SLC38A8: variants seen among roughly 807,000 people sequenced by gnomAD.
SLC38A8 encodes the protein solute carrier family 38 member 8, also known as amino acid transporter SLC38A8.
In SLC38A8, 65 loss-of-function variants were observed where a neutral mutation model predicts 46.0. The observed-to-expected ratio is 1.41, with a 90% confidence interval of 1.16 to 1.74. SLC38A8 has a LOEUF of 1.74. Ranked by LOEUF, SLC38A8 falls within the 40% of genes most tolerant of loss-of-function variation. SLC38A8 has a pLI of 0.00. For missense variants in SLC38A8, 998 were observed against 567.9 expected, an observed-to-expected ratio of 1.76 and a Z score of -7.70; for synonymous variants, 447 against 243.7, an observed-to-expected ratio of 1.83 and a Z score of -7.77.
intron 3 of SLC38A8, among the ~76,000 whole-genome samples, chr16:84,034,182 C>A (rs549040983): frequency 1.3e-5 from 2 of 152,234 alleles, no homozygotes; most frequent in Non-Finnish European, 2.9e-5. Context: ...CCAACTTCTT[C>A]CATGGCAGCT....
intron 3 of SLC38A8, among the ~76,000 whole-genome samples, chr16:84,035,302 T>G (rs564413875): frequency 1.3e-5 from 2 of 152,320 alleles, no homozygotes; most frequent in South Asian, 4.1e-4. Context: ...TCTCACTTCT[T>G]CTTGGTATAA....
At chr16:84,041,797 G>T (rs187023241) in intron 2 of SLC38A8, among the ~76,000 whole-genome samples, 172 bp downstream of exon 2, 4 of 152,282 alleles carry the variant, frequency 2.6e-5, no homozygotes, top group African/African-American at 4.8e-5. Context: ...CTCATCCCAG[G>T]GCTACAGTGG....
chr16:84,030,408 T>C (rs1367840212), intron 5 of SLC38A8, among the ~76,000 whole-genome samples: 2 of 152,056 alleles, frequency 1.3e-5, no homozygotes, highest in South Asian at 4.1e-4. Flanking sequence ...AGTGTACAGA[T>C]CTCAGCACTC....
intron 3 of SLC38A8, among the ~76,000 whole-genome samples, chr16:84,033,981 G>C (rs1037107596): frequency 6.6e-6 from 1 of 152,222 alleles, no homozygotes. Flanking sequence ...TAGAGAGTTA[G>C]TACAGGGCCA....
intron 9 of SLC38A8, among the ~76,000 whole-genome samples, chr16:84,013,585 C>G (rs889733892): frequency 6.6e-6 from 1 of 151,766 alleles, no homozygotes; most frequent in African/African-American, 2.4e-5. Context: ...TGCGTGCCAC[C>G]ACACCCCGCT....
upstream of SLC38A8, among the ~76,000 whole-genome samples, chr16:84,043,194 C>A (rs1047455176): frequency 6.6e-6 from 1 of 152,168 alleles, no homozygotes; most frequent in Non-Finnish European, 1.5e-5. Flanking sequence ...TTGTTGAACG[C>A]TTGGGGGAGG....
chr16:84,020,851 C>A (rs2085086815), intron 7 of SLC38A8, among the ~76,000 whole-genome samples: 1 of 152,188 alleles, frequency 6.6e-6, no homozygotes, highest in South Asian at 2.1e-4. Flanking sequence ...AGGGCCACAA[C>A]CTTGGTTTCC....
chr16:84,033,872 G>C (rs74419742), intron 3 of SLC38A8, among the ~76,000 whole-genome samples: 1 of 152,212 alleles, frequency 6.6e-6, no homozygotes, highest in African/African-American at 2.4e-5. Context: ...GCAACAGGCT[G>C]CTGTGCATGA....
chr16:84,012,738 G>A (rs890100758), intron 10 of SLC38A8, among the ~76,000 whole-genome samples: 1 of 152,200 alleles, frequency 6.6e-6, no homozygotes, highest in African/African-American at 2.4e-5. Flanking sequence ...TGCTTCCAGA[G>A]GCTGGAATCT....
intron 9 of SLC38A8, among the ~76,000 whole-genome samples, chr16:84,014,879 C>G (rs548053269): frequency 5.3e-5 from 8 of 152,278 alleles, no homozygotes; most frequent in Non-Finnish European, 7.4e-5. Context: ...CATCGCCCCC[C>G]CACCTCCGGG....
chr16:84,032,228 G>T (rs149935628), intron 4 of SLC38A8, among the ~76,000 whole-genome samples: 10,616 of 152,180 alleles, frequency 0.07, 440 homozygotes, highest in Middle Eastern at 0.13. Context: ...TCGCTCTGTT[G>T]CCCAGGCTGG....
At chr16:84,027,353 C>T (rs1372885131) in intron 6 of SLC38A8, among the ~76,000 whole-genome samples, 1 of 151,060 alleles carries the variant, frequency 6.6e-6, no homozygotes, top group East Asian at 1.9e-4. Flanking sequence ...GCCACAAAAG[C>T]AAAATTAAAA....
rs775806006 is a variant in SLC38A8, at chr16:84,029,538, T to C, written c.646A>G (p.Thr216Ala). The C allele has an allele frequency of 5.6e-6, 9 of 1,613,866 alleles. No individual in the cohort carries two copies. The highest frequency in any genetic ancestry group is 1.7e-5 in the Admixed American group (1 of 59,988). ...GTGGGGAAGACACTGAACACAGAGG[T>C]CCAGGAGGCAGGGCTGTAAACAGAC... ...SHPSLSPASW[T>A]SVFSVFPTIC... The change falls in exon 6 of 11, where the codon ACC (threonine) becomes GCC (alanine). Residue 216 changes from threonine (T) to alanine (A), a missense_variant. By Grantham distance (58) the Thr-to-Ala change is moderately conservative. Transcript: ENST00000299709.
Position 84,016,519 on chromosome 16 carries a change from C to G in SLC38A8, c.1162G>C (p.Gly388Arg), listed in dbSNP as rs774721283. The G allele has an allele frequency of 6.2e-7, 1 of 1,613,608 alleles. No individual in the cohort carries two copies. Residue 388 changes from glycine (G) to arginine (R), a missense_variant and splice_region_variant, in exon 9 of 11, where the codon GGT (glycine) becomes CGT (arginine). Coordinates refer to ENST00000299709, the MANE Select transcript of SLC38A8 (RefSeq NM_001080442.3). ...ISSFFIFIFP[G>R]LCLICAMGVE... ...AAAGCCTGGAAAGCAGGGGCCTCAC[C>G]TGGGAAGATGAAGATGAAGAAGGAA...
chr16:84,013,127 C>G, intron 9 of SLC38A8, 75 bp from the exon 10 acceptor site: 1 of 1,569,382 alleles, frequency 6.4e-7, no homozygotes, highest in African/African-American at 1.4e-5. Context: ...GGGAGAGGTC[C>G]TCAGGGACCC....
At chr16:84,034,646 G>C (rs918618480) in intron 3 of SLC38A8, among the ~76,000 whole-genome samples, 3 of 152,224 alleles carry the variant, frequency 2.0e-5, no homozygotes, top group Non-Finnish European at 4.4e-5. Context: ...AAAAATGAAT[G>C]CATGTGAGAA....
chr16:84,025,811 G>A (rs900104353), intron 6 of SLC38A8, among the ~76,000 whole-genome samples: 1 of 152,244 alleles, frequency 6.6e-6, no homozygotes, highest in Non-Finnish European at 1.5e-5. Flanking sequence ...CCCTAGTTGA[G>A]CACAGCCCTT....
chr16:84,031,508 ACACCGGCCTCCTCACTGTTCCCC>A (rs1264923755), intron 5 of SLC38A8, among the ~76,000 whole-genome samples: 1 of 152,152 alleles, frequency 6.6e-6, no homozygotes, highest in African/African-American at 2.4e-5. Context: ...TGGCTTGGCC[ACACCGGCCTCCTCACTGTTCCCC>A]TGCCCCGGTA....
In SLC38A8 at chr16:84,018,915, G is replaced by T. The variant is rs918187776; in HGVS notation, c.806-1628C>A. ...GAAGCTAAGGCTAGTTCAATAAGTG[G>T]ATTTATTCAGGTCCATTGCAGCCAG... is the stretch of plus-strand genomic sequence containing the variant. On this transcript the variant is annotated intron_variant, in intron 7 of 10. Coordinates refer to ENST00000299709, the MANE Select transcript of SLC38A8 (RefSeq NM_001080442.3). Among the ~76,000 whole-genome samples, 9 of 152,194 alleles carry T rather than the reference G, an allele frequency of 5.9e-5. No homozygotes were observed. The South Asian group carries it at 8.3e-4, about 14-fold the overall frequency.
Sources: allele counts gnomAD v4.1 joint callset (sites outside exome capture counted in the v4.1 genomes callset), GRCh38; gene constraint gnomAD v4.1.1; transcripts MANE v1.5; gene names NCBI Gene and HGNC (gene_info 2026-07-23, HGNC 2026-07-21).